CAMSAP2: variants seen among roughly 807,000 people sequenced by gnomAD.
The protein encoded by CAMSAP2 is calmodulin-regulated spectrin-associated protein 2.
Under a neutral mutation model 146.1 loss-of-function variants are expected in CAMSAP2, and 26 were observed. The observed-to-expected ratio is 0.18, with a 90% CI of 0.13 to 0.25. The LOEUF is 0.25. CAMSAP2 is among the 10% of genes least tolerant of loss of function. CAMSAP2 has a pLI of 1.00. For synonymous variants in CAMSAP2, 499 were observed against 596.6 expected, an observed-to-expected ratio of 0.84 and a Z score of 2.38; for missense variants, 1,381 against 1,759.3, an observed-to-expected ratio of 0.78 and a Z score of 3.85.
At chr1:200,823,889 A>G (rs554602766) in intron 4 of CAMSAP2, among the ~76,000 whole-genome samples, 3 of 152,236 alleles carry the variant, frequency 2.0e-5, no homozygotes, top group East Asian at 1.9e-4. Flanking sequence ...TTTATATTCA[A>G]TCATTTATTT....
At chr1:200,835,871 T>A (rs961121923) in intron 6 of CAMSAP2, among the ~76,000 whole-genome samples, 4 of 152,208 alleles carry the variant, frequency 2.6e-5, no homozygotes, top group African/African-American at 9.6e-5. Context: ...CATGGAGATA[T>A]AAGATTGCAT....
At chr1:200,771,399 T>G (rs918490054) in intron 2 of CAMSAP2, among the ~76,000 whole-genome samples, 5 of 152,218 alleles carry the variant, frequency 3.3e-5, no homozygotes, top group Admixed American at 6.5e-5. Context: ...ACCATATTCA[T>G]TATAATGTTT....
intron 1 of CAMSAP2, among the ~76,000 whole-genome samples, chr1:200,745,714 C>A (rs981247591): frequency 6.6e-6 from 1 of 152,168 alleles, no homozygotes; most frequent in African/African-American, 2.4e-5. Context: ...TCAAGTGATC[C>A]GCCTGCCTCG....
rs753193276 is a variant in CAMSAP2 at position 200,849,678 on chromosome 1, T to C, written c.2909T>C (p.Phe970Ser). ...PQSSNRKSAS[F>S]SVKSQRTPRP... ...TCTTCTAACAGGAAAAGTGCATCTT[T>C]TTCTGTTAAAAGTCAAAGGACTCCT... The change falls in exon 11 of 17, where the codon TTT (phenylalanine) becomes TCT (serine). Residue 970 changes from phenylalanine (F) to serine (S), a missense_variant. Phe to Ser is a radical substitution (Grantham distance 155). Coordinates refer to ENST00000358823, the MANE Select transcript of CAMSAP2 (RefSeq NM_203459.4). This position sits in a 1 kb window ranked among gnomAD's most constrained non-coding sequence, Gnocchi z 6.3. 1 of 1,614,218 alleles carries C rather than the reference T, an allele frequency of 6.2e-7. No individual in the cohort carries two copies.
rs185391218 is a variant in CAMSAP2 at position 200,842,941 on chromosome 1, C to G, written c.1021+854C>G. ...CAGTGAGCGAGATTGCATCACTGCA[C>G]TCCAGCCTGGGTGACAGAGATGAGA... On this transcript the variant is annotated intron_variant, in intron 7 of 16. Transcript: ENST00000358823. 1.3e-3 allele frequency among the ~76,000 whole-genome samples: 193 copies of G among 149,302 alleles called. 1 individual carries two copies. The highest frequency in any genetic ancestry group is 4.3e-3 in the African/African-American group (175 of 40,344).
chr1:200,858,028 C>A lies in CAMSAP2; in HGVS notation c.4406C>A (p.Thr1469Lys), dbSNP rs1667790034. 6.3e-7 allele frequency: 1 copy of A among 1,597,990 alleles called. No homozygotes were observed. Among genetic ancestry groups the A allele is most frequent in the Non-Finnish European group, 8.5e-7 (1 of 1,174,234 alleles). Residue 1469 changes from threonine (T) to lysine (K), a missense_variant, in exon 17 of 17, where the codon ACA (threonine) becomes AAA (lysine). This residue lies in a region of CAMSAP2 where 90 missense variants were observed against 174.4 expected (regional missense o/e 0.52). Coordinates refer to ENST00000358823, the MANE Select transcript of CAMSAP2 (RefSeq NM_203459.4). ...TTATGGCAGACCAAAAGACCAGTAA[C>A]ACCCAAAAAACTTTTACCCACTAAG... ...SHLWQTKRPV[T>K]PKKLLPTKA
At chr1:200,801,218 C>T (rs938361279) in intron 2 of CAMSAP2, among the ~76,000 whole-genome samples, 5 of 151,382 alleles carry the variant, frequency 3.3e-5, no homozygotes, top group African/African-American at 7.3e-5. Flanking sequence ...GAGCTGAGAT[C>T]GCGCCACTGC....
At chr1:200,750,491 C>T (rs552207394) in intron 1 of CAMSAP2, among the ~76,000 whole-genome samples, 10 of 152,124 alleles carry the variant, frequency 6.6e-5, no homozygotes, top group African/African-American at 2.4e-4. Context: ...ATACTCTTTA[C>T]CCAGATTTAC....
chr1:200,820,269 C>T (rs1666715220), intron 4 of CAMSAP2, among the ~76,000 whole-genome samples: 1 of 151,958 alleles, frequency 6.6e-6, no homozygotes, highest in Non-Finnish European at 1.5e-5. Flanking sequence ...TCGCCATGTG[C>T]TGGTCTTGAG....
At chr1:200,838,889 G>C (rs1196456675) in intron 6 of CAMSAP2, among the ~76,000 whole-genome samples, 1 of 152,202 alleles carries the variant, frequency 6.6e-6, no homozygotes, top group Non-Finnish European at 1.5e-5. Context: ...ATGCTTTGGT[G>C]ATGAATTGGA....
At chr1:200,790,602 T>C (rs1011557190) in intron 2 of CAMSAP2, among the ~76,000 whole-genome samples, 1 of 152,200 alleles carries the variant, frequency 6.6e-6, no homozygotes, top group Non-Finnish European at 1.5e-5. Context: ...CCTTTGCCTG[T>C]CTGTCTCTCC....
rs1558192377 is a variant in CAMSAP2 at position 200,817,252 on chromosome 1, GTGTGTGTATATACACACATA to G, written c.645+1610_645+1629del. Among the ~76,000 whole-genome samples the G allele has an allele frequency of 2.3e-3, 21 of 9,282 alleles. No homozygotes were observed. In the East Asian group the frequency reaches 0.3, roughly 134 times the overall value. 6.1% of individuals were successfully genotyped at this position (9,282 alleles called of 152,430 possible). On this transcript the variant is annotated intron_variant, in intron 4 of 16. Transcript: ENST00000358823. ...TGTATATACACACATACACACATAT[GTGTGTGTATATACACACATA>G]TATATATATTTTCCCAGAATTCCAA...
At chr1:200,799,136 T>C (rs1177838344) in intron 2 of CAMSAP2, among the ~76,000 whole-genome samples, 1 of 152,182 alleles carries the variant, frequency 6.6e-6, no homozygotes. Flanking sequence ...TTTCTTTTTT[T>C]GTTGTGTCTT....
intron 6 of CAMSAP2, among the ~76,000 whole-genome samples, chr1:200,835,712 T>G (rs925440351): frequency 6.6e-6 from 1 of 152,222 alleles, no homozygotes. Flanking sequence ...ATATATCTTG[T>G]AATGCTTTTT....
At chr1:200,828,860 A>G (rs189762366) in intron 4 of CAMSAP2, among the ~76,000 whole-genome samples, 18 of 152,160 alleles carry the variant, frequency 1.2e-4, no homozygotes, top group Middle Eastern at 3.4e-3. Context: ...AGTAGGTTAA[A>G]AAAAAAAAAC....
Position 200,856,132 on chromosome 1 carries a change from G to A in CAMSAP2, c.4012+7G>A, listed in dbSNP as rs1431474959. The A allele has an allele frequency of 6.4e-7, 1 of 1,561,004 alleles. No homozygotes were observed. The highest frequency in any genetic ancestry group is 8.8e-7 in the Non-Finnish European group (1 of 1,136,880). ...TCTGGAACAGAATATACAGGTTAGTGTCTATACATTTTTAGAGAAACATTT... is the reference window on the plus strand; with the variant it reads ...TCTGGAACAGAATATACAGGTTAGTATCTATACATTTTTAGAGAAACATTT... On this transcript the variant is annotated splice_region_variant and intron_variant, in intron 15 of 16. Transcript: ENST00000358823.
chr1:200,755,817 G>A (rs1391377445), intron 1 of CAMSAP2, among the ~76,000 whole-genome samples: 1 of 152,154 alleles, frequency 6.6e-6, no homozygotes, highest in Non-Finnish European at 1.5e-5. Flanking sequence ...AAATATTATG[G>A]GATAGTAATA....
intron 4 of CAMSAP2, among the ~76,000 whole-genome samples, chr1:200,820,260 C>T (rs1247240630): frequency 2.6e-5 from 4 of 152,030 alleles, no homozygotes; most frequent in South Asian, 2.1e-4. Flanking sequence ...GATGGGGTTT[C>T]GCCATGTGCT....
intron 2 of CAMSAP2, among the ~76,000 whole-genome samples, chr1:200,764,263 TG>T (rs1571728878): frequency 6.6e-6 from 1 of 151,946 alleles, no homozygotes; most frequent in African/African-American, 2.4e-5. Flanking sequence ...GCCAGCCTTT[TG>T]GGGGGAAAAA....
Sources: gnomAD v4.1 joint callset for allele counts (sites outside exome capture counted in the v4.1 genomes callset) on GRCh38, gnomAD v4.1.1 for gene constraint, gnomAD v4.1.1 regional missense constraint, Gnocchi (gnomAD v3.1) non-coding constraint, MANE v1.5 for transcripts, NCBI Gene and HGNC (gene_info 2026-07-23, HGNC 2026-07-21) for gene names.